Variants in STPG1 observed in about 807,000 individuals in gnomAD.
STPG1 encodes the protein sperm tail PG-rich repeat containing 1, also known as O(6)-methylguanine-induced apoptosis 2.
STPG1 carries 33 observed loss-of-function variants against 40.1 expected under a neutral mutation model. That is an observed-to-expected ratio of 0.82 (90% confidence interval 0.62 to 1.10). The LOEUF (loss-of-function observed/expected upper bound fraction) is 1.10. Among genes scored for constraint, STPG1 ranks in the 50% least tolerant of loss-of-function variants. The pLI is 0.00. For missense variants in STPG1, 396 were observed against 415.1 expected (o/e 0.95, Z 0.40); for synonymous variants, 150 against 155.0 (o/e 0.97, Z 0.24).
chr1:24,408,976 T>G (rs1643513080), intron 1 of STPG1, among the ~76,000 whole-genome samples: 1 of 152,232 alleles, frequency 6.6e-6, no homozygotes, highest in African/African-American at 2.4e-5. Flanking sequence ...GACAACATTC[T>G]TCAAGAAATT....
intron 7 of STPG1, chr1:24,368,571 A>G (rs1015084400): frequency 6.6e-6 from 1 of 152,224 alleles, no homozygotes; most frequent in Non-Finnish European, 1.5e-5. Flanking sequence ...TGAGTATTTG[A>G]GCCTCTTAGG....
intron 4 of STPG1, among the ~76,000 whole-genome samples, chr1:24,381,124 T>C (rs1557445700): frequency 6.6e-6 from 1 of 152,054 alleles, no homozygotes; most frequent in Non-Finnish European, 1.5e-5. Context: ...CCAGCATTCC[T>C]ACCCAAGCAG....
intron 1 of STPG1, among the ~76,000 whole-genome samples, chr1:24,405,594 C>T (rs1235783409): frequency 1.3e-5 from 2 of 152,164 alleles, no homozygotes; most frequent in South Asian, 2.1e-4. Flanking sequence ...CAATGTATTC[C>T]TTCTATCAAT....
intron 7 of STPG1, among the ~76,000 whole-genome samples, chr1:24,365,720 G>C (rs537071076): frequency 6.6e-6 from 1 of 152,170 alleles, no homozygotes; most frequent in East Asian, 1.9e-4. Context: ...GAATTTTGTG[G>C]GTTATCTCCT....
At chr1:24,379,409 T>C (rs766760817) in intron 5 of STPG1, 8 of 482,366 alleles carry the variant, frequency 1.7e-5, no homozygotes, top group African/African-American at 3.9e-5. Context: ...AGAATATGTG[T>C]TTCTCAGGGC....
At chr1:24,364,164 G>C (rs1641296769) in intron 7 of STPG1, 1 of 1,485,524 alleles carries the variant, frequency 6.7e-7, no homozygotes, top group Non-Finnish European at 9.0e-7. Flanking sequence ...TTCAATTCTT[G>C]ACGTTCTCAC....
intron 3 of STPG1, among the ~76,000 whole-genome samples, chr1:24,390,724 C>T (rs767293566): frequency 1.3e-5 from 2 of 149,822 alleles, no homozygotes; most frequent in African/African-American, 4.9e-5. Context: ...CGGCTAATAA[C>T]ACATTGTTTA....
chr1:24,382,201 G>A (rs1642316454), intron 4 of STPG1, among the ~76,000 whole-genome samples: 2 of 152,160 alleles, frequency 1.3e-5, no homozygotes, highest in Non-Finnish European at 2.9e-5. Context: ...CGCACGCAAA[G>A]CCTTGTAGAC....
At chr1:24,392,133 C>G (rs1557454290) in intron 2 of STPG1, 1 of 968,458 alleles carries the variant, frequency 1.0e-6, no homozygotes, top group African/African-American at 1.8e-5. Flanking sequence ...CAGCCTGGGG[C>G]TGGCTCTCAC....
chr1:24,387,625 T>C (rs1448453909), intron 3 of STPG1, among the ~76,000 whole-genome samples: 1 of 152,098 alleles, frequency 6.6e-6, no homozygotes, highest in Non-Finnish European at 1.5e-5. Flanking sequence ...ATCTGAAAAG[T>C]ATGGATAATG....
At chr1:24,401,029 A>C (rs1054032063) in intron 2 of STPG1, 39 of 325,582 alleles carry the variant, frequency 1.2e-4, no homozygotes, top group Non-Finnish European at 2.8e-5. Context: ...TACATATCTA[A>C]ATTTGAGGAT....
chr1:24,385,592 G>T (rs1306731852), intron 3 of STPG1, among the ~76,000 whole-genome samples: 4 of 152,160 alleles, frequency 2.6e-5, no homozygotes, highest in African/African-American at 4.8e-5. Context: ...TGTACTATTA[G>T]CTCACTTAAT....
chr1:24,371,004 C>T (rs553875592), intron 6 of STPG1, among the ~76,000 whole-genome samples: 1 of 152,212 alleles, frequency 6.6e-6, no homozygotes, highest in Admixed American at 6.5e-5. Flanking sequence ...CCACAATGCC[C>T]TGTCTCAAGA....
intron 7 of STPG1, chr1:24,364,365 G>C (rs558169785): frequency 3.2e-6 from 5 of 1,539,862 alleles, no homozygotes; most frequent in Non-Finnish European, 4.4e-6. Context: ...CTGTAAACTC[G>C]GAATGACACA....
At chr1:24,389,117 A>G (rs1201565501) in intron 3 of STPG1, among the ~76,000 whole-genome samples, 2 of 152,194 alleles carry the variant, frequency 1.3e-5, no homozygotes, top group African/African-American at 4.8e-5. Context: ...AGCAATTCCC[A>G]TCTCTATTCG....
At chr1:24,407,564 C>A (rs1371570484) in intron 1 of STPG1, among the ~76,000 whole-genome samples, 1 of 151,920 alleles carries the variant, frequency 6.6e-6, no homozygotes, top group African/African-American at 2.4e-5. Flanking sequence ...GTCAGCCTCC[C>A]GAGTAGCTGG....
At position 24,391,696 on chromosome 1, in the gene STPG1, G is replaced by T. The variant is rs917248855; in HGVS notation, c.71-17C>A. On this transcript the variant is annotated splice_polypyrimidine_tract_variant and intron_variant, in intron 2 of 8. Coordinates refer to ENST00000337248, the MANE Select transcript of STPG1 (RefSeq NM_001199013.2). Reference sequence around the variant, plus strand: ...CAGTAAAACCTAAACAACAAAAATGGAGTAAAATCAAAATGAATACAAAAC... The same window carrying T: ...CAGTAAAACCTAAACAACAAAAATGTAGTAAAATCAAAATGAATACAAAAC... 5.4e-6 allele frequency: 8 copies of T among 1,482,924 alleles called. No individual in the cohort carries two copies. Among genetic ancestry groups the T allele is most frequent in the Non-Finnish European group, 6.4e-6 (7 of 1,090,452 alleles). The allele number at this position is 1,482,924 out of a possible 1,614,324, so 91.9% of individuals were successfully genotyped here.
At chr1:24,369,570 G>C in intron 7 of STPG1, 104 bp downstream of exon 7, 1 of 1,270,900 alleles carries the variant, frequency 7.9e-7, no homozygotes, top group Middle Eastern at 2.0e-4. Context: ...AGAGTGGCCC[G>C]GCACTGTGCT....
chr1:24,371,826 C>A (rs997628233), intron 6 of STPG1, among the ~76,000 whole-genome samples: 1 of 152,184 alleles, frequency 6.6e-6, no homozygotes, highest in African/African-American at 2.4e-5. Context: ...CGCCAGGAAG[C>A]TGGGGTGGAG....
Sources: allele counts gnomAD v4.1 joint callset (sites outside exome capture counted in the v4.1 genomes callset), GRCh38; gene constraint gnomAD v4.1.1; transcripts MANE v1.5; gene names NCBI Gene and HGNC (gene_info 2026-07-23, HGNC 2026-07-21).